Variants in LRMDA observed in about 807,000 individuals in gnomAD.
The protein encoded by LRMDA is leucine-rich melanocyte differentiation-associated protein.
Under a neutral mutation model 29.8 loss-of-function variants are expected in LRMDA, and 18 were observed. The observed-to-expected ratio is 0.60, with a 90% CI of 0.42 to 0.90. The LOEUF (loss-of-function observed/expected upper bound fraction) is 0.90, where lower values mean the gene tolerates loss of function less well. Among genes scored for constraint, LRMDA ranks in the 40% least tolerant of loss-of-function variants. LRMDA has a pLI of 0.00. For synonymous variants in LRMDA, 125 were observed against 109.4 expected (o/e 1.14, Z -0.89); for missense variants, 273 against 273.9 (o/e 1.00, Z 0.02).
At chr10:76,118,550 AG>A (rs1462732470) in intron 5 of LRMDA, among the ~76,000 whole-genome samples, 4 of 152,208 alleles carry the variant, frequency 2.6e-5, no homozygotes, top group African/African-American at 9.7e-5. Flanking sequence ...GGTCCATTTG[AG>A]GCTAATACAT....
chr10:76,219,807 G>A (rs958734970), intron 5 of LRMDA, among the ~76,000 whole-genome samples: 69 of 152,046 alleles, frequency 4.5e-4, no homozygotes, highest in African/African-American at 7.5e-4. Flanking sequence ...AATCAACAGA[G>A]TATACATTTT....
intron 5 of LRMDA, among the ~76,000 whole-genome samples, chr10:76,189,865 C>A (rs916456101): frequency 6.6e-6 from 1 of 152,238 alleles, no homozygotes; most frequent in Admixed American, 6.5e-5. Flanking sequence ...TTCAGGCTCA[C>A]CTCTGACCCA....
intron 2 of LRMDA, among the ~76,000 whole-genome samples, chr10:75,970,941 C>T (rs1846956857): frequency 6.6e-6 from 1 of 152,122 alleles, no homozygotes; most frequent in African/African-American, 2.4e-5. Context: ...TTCTAAATAA[C>T]CTGAGAAGGT....
intron 5 of LRMDA, among the ~76,000 whole-genome samples, chr10:76,254,329 C>CTATA (rs1446009716): frequency 5.6e-4 from 84 of 150,302 alleles, no homozygotes; most frequent in African/African-American, 2.0e-3. Flanking sequence ...CCATACCATA[C>CTATA]CATACCATAC....
Position 76,036,077 on chromosome 10 carries a change from C to G in LRMDA, c.201C>G (p.Asp67Glu). ...TCTTGGACAACAATCAGCTGGGGGA[C>G]GACCTTGTGTTGCCAGGGTTACCCA... is the stretch of plus-strand genomic sequence containing the variant. ...ELILDNNQLG[D>E]DLVLPGLPRL... The change falls in exon 3 of 7, where the codon GAC (aspartate) becomes GAG (glutamate). Residue 67 changes from aspartate (D) to glutamate (E), a missense_variant. Coordinates refer to ENST00000611255, the MANE Select transcript of LRMDA (RefSeq NM_001305581.2). The G allele has an allele frequency of 6.2e-7, 1 of 1,614,074 alleles. No individual in the cohort carries two copies. Among genetic ancestry groups the G allele is most frequent in the South Asian group, 1.1e-5 (1 of 91,072 alleles).
chr10:75,908,067 A>T (rs1441138839), intron 2 of LRMDA, among the ~76,000 whole-genome samples: 1 of 152,184 alleles, frequency 6.6e-6, no homozygotes, highest in Admixed American at 6.5e-5. Context: ...TGTGCCCTGC[A>T]TTTTTGGAGG....
chr10:76,008,149 C>T (rs1433044805), intron 2 of LRMDA, among the ~76,000 whole-genome samples: 4 of 152,090 alleles, frequency 2.6e-5, no homozygotes, highest in South Asian at 4.1e-4. Context: ...CTCCCATTGC[C>T]GGGGTGTTTG....
intron 5 of LRMDA, among the ~76,000 whole-genome samples, chr10:76,242,880 C>T (rs1432500034): frequency 6.6e-6 from 1 of 152,160 alleles, no homozygotes; most frequent in African/African-American, 2.4e-5. Flanking sequence ...TTGCATTTTA[C>T]TGTTTTCCTA....
intron 2 of LRMDA, among the ~76,000 whole-genome samples, chr10:75,453,628 G>A (rs1844483999): frequency 6.6e-6 from 1 of 152,044 alleles, no homozygotes. Context: ...ACCCTAATAT[G>A]TTTTTTTCTT....
At chr10:76,539,403 A>T (rs1843327777) in intron 6 of LRMDA, among the ~76,000 whole-genome samples, 1 of 152,212 alleles carries the variant, frequency 6.6e-6, no homozygotes, top group Non-Finnish European at 1.5e-5. Flanking sequence ...TTTTCTTTAC[A>T]TGCTAAGAAG....
chr10:75,679,595 CAT>C (rs558482429), intron 2 of LRMDA, among the ~76,000 whole-genome samples: 303 of 152,276 alleles, frequency 2.0e-3, no homozygotes, highest in Admixed American at 2.5e-3. Flanking sequence ...AAGAGAGTGA[CAT>C]GTGGTGTACA....
chr10:75,935,139 C>T (rs113405208), intron 2 of LRMDA, among the ~76,000 whole-genome samples: 273 of 152,294 alleles, frequency 1.8e-3, no homozygotes, highest in African/African-American at 6.1e-3. Flanking sequence ...TTCCCTTACT[C>T]CTGCCACTGC....
At chr10:75,500,324 C>T (rs1472492191) in intron 2 of LRMDA, among the ~76,000 whole-genome samples, 1 of 152,166 alleles carries the variant, frequency 6.6e-6, no homozygotes, top group East Asian at 1.9e-4. Context: ...AAGTGCTTTG[C>T]ATCTGTCAGA....
At chr10:75,798,018 T>A (rs1176035379) in intron 2 of LRMDA, among the ~76,000 whole-genome samples, 1 of 152,208 alleles carries the variant, frequency 6.6e-6, no homozygotes, top group African/African-American at 2.4e-5. Flanking sequence ...TTCTAGTGCA[T>A]GTGACAGTGT....
chr10:76,479,063 A>C (rs994333182), intron 6 of LRMDA, among the ~76,000 whole-genome samples: 1 of 151,298 alleles, frequency 6.6e-6, no homozygotes. Flanking sequence ...TATATATATA[A>C]ATAAAAAAAG....
At chr10:76,359,483 A>T (rs1341922555) in intron 6 of LRMDA, among the ~76,000 whole-genome samples, 1 of 152,182 alleles carries the variant, frequency 6.6e-6, no homozygotes, top group Non-Finnish European at 1.5e-5. Context: ...AGTACACTAG[A>T]TCCAAGTCTG....
intron 2 of LRMDA, among the ~76,000 whole-genome samples, chr10:75,667,043 T>G (rs1382996971): frequency 6.6e-6 from 1 of 152,156 alleles, no homozygotes; most frequent in Non-Finnish European, 1.5e-5. Context: ...TAATGCTTTA[T>G]TTTCCAAGAG....
At chr10:75,596,511 C>G (rs896082607) in intron 2 of LRMDA, among the ~76,000 whole-genome samples, 1 of 152,078 alleles carries the variant, frequency 6.6e-6, no homozygotes, top group Non-Finnish European at 1.5e-5. Context: ...GGCAAAACAC[C>G]AAGTTCATTT....
chr10:75,464,730 C>T (rs1844629076), intron 2 of LRMDA, among the ~76,000 whole-genome samples: 1 of 152,126 alleles, frequency 6.6e-6, no homozygotes, highest in African/African-American at 2.4e-5. Context: ...GAATAGACCC[C>T]CAGCAAAGTT....
Sources: gnomAD v4.1 joint callset for allele counts (sites outside exome capture counted in the v4.1 genomes callset) on GRCh38, gnomAD v4.1.1 for gene constraint, MANE v1.5 for transcripts, NCBI Gene and HGNC (gene_info 2026-07-23, HGNC 2026-07-21) for gene names.